Variants in ADGB observed in about 807,000 individuals in gnomAD.
ADGB encodes the protein calpain-7-like protein.
In ADGB, 172 loss-of-function variants were observed where a neutral mutation model predicts 210.5. The ratio of observed to expected loss-of-function variants is 0.82; its 90% CI spans 0.72 to 0.93. ADGB has a LOEUF of 0.93. ADGB is among the 40% of genes least tolerant of loss of function. The pLI, the probability that ADGB is intolerant of heterozygous loss-of-function variation, is 0.00. For missense variants in ADGB, 2,025 were observed against 1,964.8 expected (o/e 1.03, Z -0.58); for synonymous variants, 658 against 662.7 (o/e 0.99, Z 0.11).
At chr6:146,693,927 C>CA (rs1056998729) in intron 12 of ADGB, among the ~76,000 whole-genome samples, 3 of 152,114 alleles carry the variant, frequency 2.0e-5, no homozygotes, top group Non-Finnish European at 2.9e-5. Context: ...GAGACCTCAT[C>CA]AAAATGGCCT....
At chr6:146,796,329 G>A (rs2114659618) in intron 33 of ADGB, among the ~76,000 whole-genome samples, 1 of 152,168 alleles carries the variant, frequency 6.6e-6, no homozygotes, top group East Asian at 1.9e-4. Flanking sequence ...ATTCTTCACA[G>A]AACTAGAAAA....
Position 146,815,139 on chromosome 6 carries a change from A to T in ADGB, c.4926A>T (p.Glu1642Asp). The part of the protein sequence containing the change: ...HLKLETLAAQ[E>D]AAMKLETEKM... ...AGCTGGAAACTCTGGCTGCTCAGGA[A>T]GCAGCCATGAAGCTGGAGACAGAAA... The change falls in exon 36 of 36, where the codon GAA (glutamate) becomes GAT (aspartate). Residue 1642 changes from glutamate to aspartate, a missense_variant. Transcript: ENST00000397944. The T allele has an allele frequency of 1.9e-6, 3 of 1,547,470 alleles. No homozygotes were observed. The South Asian group carries it at 3.6e-5, about 19-fold the overall frequency.
In ADGB at chr6:146,801,842, A is replaced by T; in HGVS notation, c.4649A>T (p.Asp1550Val). ...LSQYVRKTDT[D>V]PLLQTDELNQ... ...TTTGTATCAAGGAAAACAGATACAGATCCTCTGCTGCAAACAGATGAATTG... is the reference window on the plus strand; with the variant it reads ...TTTGTATCAAGGAAAACAGATACAGTTCCTCTGCTGCAAACAGATGAATTG... Residue 1550 changes from aspartate (D) to valine (V), a missense_variant, in exon 35 of 36, where the codon GAT becomes GTT. Transcript: ENST00000397944. 1.3e-6 allele frequency: 2 copies of T among 1,543,558 alleles called. No homozygotes were observed. The highest frequency in any genetic ancestry group is 1.7e-6 in the Non-Finnish European group (2 of 1,143,370).
chr6:146,698,753 T>A (rs2114541463), intron 12 of ADGB, among the ~76,000 whole-genome samples: 1 of 152,250 alleles, frequency 6.6e-6, no homozygotes, highest in South Asian at 2.1e-4. Context: ...GGGTTTTGTT[T>A]TGTTTTGTTT....
At chr6:146,690,193 G>A (rs144373189) in intron 10 of ADGB, among the ~76,000 whole-genome samples, 1 of 152,254 alleles carries the variant, frequency 6.6e-6, no homozygotes, top group East Asian at 1.9e-4. Context: ...GCAGTTTCCA[G>A]TTGAAGTAAT....
At chr6:146,615,725 A>G (rs1269849904) in intron 1 of ADGB, among the ~76,000 whole-genome samples, 1 of 152,198 alleles carries the variant, frequency 6.6e-6, no homozygotes, top group Non-Finnish European at 1.5e-5. Context: ...CACTTTATAT[A>G]ATGTCCTCCA....
At chr6:146,711,721 T>TTAAA (rs1431105690) in intron 13 of ADGB, among the ~76,000 whole-genome samples, 1 of 152,150 alleles carries the variant, frequency 6.6e-6, no homozygotes, top group Non-Finnish European at 1.5e-5. Context: ...TTTTAAGCAT[T>TTAAA]GCTCTTGATT....
chr6:146,632,811 G>A (rs1005696067), intron 1 of ADGB, among the ~76,000 whole-genome samples: 1 of 152,098 alleles, frequency 6.6e-6, no homozygotes, highest in Non-Finnish European at 1.5e-5. Context: ...CGGAATAAAT[G>A]TCTGGCTTAG....
At chr6:146,606,453 A>T (rs931832933) in intron 1 of ADGB, among the ~76,000 whole-genome samples, 1 of 152,122 alleles carries the variant, frequency 6.6e-6, no homozygotes, top group African/African-American at 2.4e-5. Context: ...TGGAGCCTTC[A>T]TCATAAAATA....
Position 146,654,170 on chromosome 6 carries a change from CTTA to C in ADGB, c.369_371del (p.Leu123del). 1 of 1,544,098 alleles carries C rather than the reference CTTA, an allele frequency of 6.5e-7. No homozygotes were observed. The highest frequency in any genetic ancestry group is 8.8e-7 in the Non-Finnish European group (1 of 1,141,950). On this transcript the variant is annotated inframe_deletion, in exon 4 of 36. Coordinates refer to ENST00000397944, the MANE Select transcript of ADGB (RefSeq NM_024694.4). Reference sequence around the variant, plus strand: ...TTGTGAAAAATGAAATCACGTTTGACTTATTTTCAGCAAATGAACATTTACTCT... The same window carrying C: ...TTGTGAAAAATGAAATCACGTTTGACTTTTCAGCAAATGAACATTTACTCT...
Position 146,717,079 on chromosome 6 carries a change from C to A in ADGB, c.1928+10C>A, listed in dbSNP as rs375872244. ...TCTGTGTATGCTTTCAGTAAGTATA[C>A]CAATGGGATCAATCTGACTATGTCG... On this transcript the variant is annotated intron_variant, in intron 15 of 35. Transcript: ENST00000397944. 1.9e-6 allele frequency: 3 copies of A among 1,543,434 alleles called. No homozygotes were observed. The African/African-American group carries it at 4.1e-5, about 21-fold the overall frequency.
intron 23 of ADGB, 127 bp downstream of exon 23, chr6:146,736,718 C>T (rs1777084703): frequency 2.0e-6 from 1 of 505,470 alleles, no homozygotes; most frequent in Non-Finnish European, 3.4e-6. Flanking sequence ...TACTTCGGAC[C>T]TTCCACAATA....
intron 31 of ADGB, 49 bp from the exon 32 acceptor site, chr6:146,785,561 T>C: frequency 1.4e-6 from 2 of 1,433,414 alleles, no homozygotes; most frequent in Non-Finnish European, 1.9e-6. Context: ...CCTGTACTGG[T>C]TGTTGCTTTT....
At position 146,692,961 on chromosome 6, in the gene ADGB, A is replaced by C. The variant is rs1335187487; in HGVS notation, c.1577+46A>C. On this transcript the variant is annotated intron_variant, in intron 12 of 35. Coordinates refer to ENST00000397944, the MANE Select transcript of ADGB (RefSeq NM_024694.4). ...TCACAAATGTGTCTTGTTAGTAAAT[A>C]CTTTGTGATGTGTCTGGCTAAAGAT... The C allele has an allele frequency of 2.7e-6, 3 of 1,090,922 alleles. No homozygotes were observed. In the South Asian group the frequency reaches 4.5e-5, roughly 16 times the overall value. 67.6% of individuals were successfully genotyped at this position (1,090,922 alleles called of 1,614,324 possible). A position where few individuals can be genotyped will look rare whatever the true frequency, so the allele number is the denominator to read the frequency against.
chr6:146,705,853 T>A (rs1334773743), intron 13 of ADGB, among the ~76,000 whole-genome samples: 1 of 152,150 alleles, frequency 6.6e-6, no homozygotes, highest in East Asian at 1.9e-4. Context: ...AGAAGGATGG[T>A]ATTAATTATT....
Position 146,656,838 on chromosome 6 carries a change from A to C in ADGB, c.470A>C (p.Asn157Thr). 1 of 1,551,494 alleles carries C rather than the reference A, an allele frequency of 6.4e-7. No individual in the cohort carries two copies. Among genetic ancestry groups the C allele is most frequent in the South Asian group, 1.2e-5 (1 of 83,904 alleles). ...ATCTTCAATGGAGGAATTTTGAGCA[A>C]TTATTTTAAGGGGACTTCAGGGGAA... ...WKIFNGGILS[N>T]YFKGTSGEPP... is the part of the protein sequence containing the mutation. Residue 157 changes from asparagine (N) to threonine (T), a missense_variant, in exon 5 of 36, where the codon AAT (asparagine) becomes ACT (threonine). Transcript: ENST00000397944.
At chr6:146,653,509 G>A (rs1243247613) in intron 3 of ADGB, among the ~76,000 whole-genome samples, 3 of 152,092 alleles carry the variant, frequency 2.0e-5, no homozygotes, top group Non-Finnish European at 4.4e-5. Context: ...AATATCACAT[G>A]TTCTCACTTA....
At chr6:146,715,335 GC>G in intron 13 of ADGB, 46 bp from the exon 14 acceptor site, 2 of 1,384,056 alleles carry the variant, frequency 1.4e-6, no homozygotes, top group South Asian at 2.6e-5. Context: ...GCTTTGGATA[GC>G]TGTAATGTTT....
Position 146,676,323 on chromosome 6 carries a change from T to A in ADGB, c.1098T>A (p.Asp366Glu). 3.2e-6 allele frequency: 5 copies of A among 1,546,604 alleles called. No homozygotes were observed. The South Asian group carries it at 6.0e-5, about 19-fold the overall frequency. Residue 366 changes from aspartate to glutamate, a missense_variant, in exon 9 of 36, where the codon GAT becomes GAA. Coordinates refer to ENST00000397944, the MANE Select transcript of ADGB (RefSeq NM_024694.4). ...TTTTTCATATGTTAGAGAAAGCAGA[T>A]GCAAGAGACATTGGAAAGAAGAGAA... ...KSDKVPKEKA[D>E]ARDIGKKRSK...
Sources: allele counts gnomAD v4.1 joint callset (sites outside exome capture counted in the v4.1 genomes callset), GRCh38; gene constraint gnomAD v4.1.1; transcripts MANE v1.5; gene names NCBI Gene and HGNC (gene_info 2026-07-23, HGNC 2026-07-21).